GRIP1: variants seen among roughly 807,000 people sequenced by gnomAD.
The protein encoded by GRIP1 is glutamate receptor-interacting protein 1.
Under a neutral mutation model 129.9 loss-of-function variants are expected in GRIP1, and 45 were observed. The observed-to-expected ratio is 0.35, with a 90% CI of 0.27 to 0.44. GRIP1 has a LOEUF of 0.44. Among genes scored for constraint, GRIP1 ranks in the 20% least tolerant of loss-of-function variants. The pLI, the probability that GRIP1 is intolerant of heterozygous loss-of-function variation, is 1.00. For synonymous variants in GRIP1, 530 were observed against 520.8 expected, an observed-to-expected ratio of 1.02 and a Z score of -0.24; for missense variants, 1,196 against 1,396.8, an observed-to-expected ratio of 0.86 and a Z score of 2.29.
chr12:66,853,902 T>C (rs1187439958), intron 1 of GRIP1, among the ~76,000 whole-genome samples: 1 of 152,080 alleles, frequency 6.6e-6, no homozygotes, highest in Non-Finnish European at 1.5e-5. Flanking sequence ...ATTATCTTTT[T>C]AAAGAATAGA....
intron 1 of GRIP1, among the ~76,000 whole-genome samples, chr12:66,854,927 C>G (rs1029664477): frequency 6.6e-6 from 1 of 152,014 alleles, no homozygotes; most frequent in Non-Finnish European, 1.5e-5. Context: ...TCCCATGGCT[C>G]TTTGTAAAGA....
chr12:66,878,534 G>A (rs1445081788), intron 1 of GRIP1, among the ~76,000 whole-genome samples: 4 of 151,990 alleles, frequency 2.6e-5, no homozygotes, highest in Admixed American at 2.0e-4. Flanking sequence ...AGAGGCAGGG[G>A]ACAGGTAGGG....
At chr12:66,487,835 T>C (rs1347735186) in intron 7 of GRIP1, among the ~76,000 whole-genome samples, 8 of 152,072 alleles carry the variant, frequency 5.3e-5, no homozygotes, top group Admixed American at 6.6e-5. Flanking sequence ...TTTGCAATCC[T>C]AGCTTTTGAC....
chr12:67,061,248 T>C (rs759721279), intron 1 of GRIP1, among the ~76,000 whole-genome samples: 37 of 152,232 alleles, frequency 2.4e-4, no homozygotes, highest in Non-Finnish European at 4.1e-4. Context: ...GGCCTGCTAA[T>C]AGGCAAATGT....
At chr12:66,618,066 A>G (rs1289923090) in intron 1 of GRIP1, among the ~76,000 whole-genome samples, 1 of 152,172 alleles carries the variant, frequency 6.6e-6, no homozygotes. Flanking sequence ...TATATTCGTT[A>G]TAGCAATTTC....
chr12:66,521,633 A>T (rs1437515335), intron 5 of GRIP1, among the ~76,000 whole-genome samples: 1 of 152,118 alleles, frequency 6.6e-6, no homozygotes, highest in Non-Finnish European at 1.5e-5. Context: ...TCATCTCACT[A>T]GGGAGTGCCA....
intron 2 of GRIP1, among the ~76,000 whole-genome samples, chr12:66,584,644 T>G (rs1180426669): frequency 6.6e-6 from 1 of 152,124 alleles, no homozygotes; most frequent in East Asian, 1.9e-4. Flanking sequence ...ATATGCTATA[T>G]GGGAATGTCA....
intron 1 of GRIP1, among the ~76,000 whole-genome samples, chr12:66,668,668 TCTCAGCACCTTGGGAGGCC>T (rs2033920220): frequency 6.6e-6 from 1 of 152,124 alleles, no homozygotes; most frequent in Admixed American, 6.6e-5. Context: ...ACACCTGTAA[TCTCAGCACCTTGGGAGGCC>T]AAGATGAGAG....
At chr12:66,372,681 C>G (rs575189516) in intron 22 of GRIP1, among the ~76,000 whole-genome samples, 2 of 151,386 alleles carry the variant, frequency 1.3e-5, no homozygotes, top group Non-Finnish European at 2.9e-5. Context: ...TGTTCGGTTT[C>G]AAATATGTTC....
intron 1 of GRIP1, among the ~76,000 whole-genome samples, chr12:66,931,841 C>A (rs2041400994): frequency 6.6e-6 from 1 of 152,062 alleles, no homozygotes; most frequent in East Asian, 1.9e-4. Context: ...AATTTCAGGA[C>A]CTCTCTTTTT....
intron 1 of GRIP1, among the ~76,000 whole-genome samples, chr12:66,767,597 G>A (rs1041438109): frequency 1.6e-4 from 24 of 148,444 alleles, no homozygotes; most frequent in African/African-American, 5.9e-4. Context: ...GCTTTAATCA[G>A]TATAACTGAC....
At chr12:66,679,214 T>A, upstream of GRIP1, 4 of 1,075,060 alleles carry the variant, frequency 3.7e-6, no homozygotes, top group Non-Finnish European at 4.9e-6. Context: ...GGGACGACAC[T>A]GTGTGAGGAG....
chr12:66,505,953 A>T (rs1206453150), intron 7 of GRIP1, among the ~76,000 whole-genome samples: 1 of 152,238 alleles, frequency 6.6e-6, no homozygotes, highest in Non-Finnish European at 1.5e-5. Flanking sequence ...GGTACTCAAC[A>T]TTCTTATTCA....
At chr12:66,913,824 A>T (rs936350491) in intron 1 of GRIP1, among the ~76,000 whole-genome samples, 1 of 152,236 alleles carries the variant, frequency 6.6e-6, no homozygotes, top group Non-Finnish European at 1.5e-5. Flanking sequence ...TGACATTAAA[A>T]TATTATACTG....
chr12:66,751,062 A>C (rs1044010370), intron 1 of GRIP1, among the ~76,000 whole-genome samples: 9 of 151,948 alleles, frequency 5.9e-5, no homozygotes, highest in African/African-American at 2.2e-4. Flanking sequence ...ATTTAAAAAA[A>C]TTTTTTTAAG....
intron 1 of GRIP1, among the ~76,000 whole-genome samples, chr12:66,704,942 T>C (rs974888897): frequency 1.3e-5 from 2 of 152,058 alleles, no homozygotes; most frequent in Non-Finnish European, 2.9e-5. Context: ...CATCTTATTA[T>C]GCTTGTTCTG....
At chr12:66,669,604 C>A (rs1017295577) in intron 1 of GRIP1, among the ~76,000 whole-genome samples, 2 of 152,288 alleles carry the variant, frequency 1.3e-5, no homozygotes, top group East Asian at 1.9e-4. Context: ...GCCATCTATA[C>A]AGGTTTATGA....
chr12:66,727,207 C>A (rs570866586), intron 1 of GRIP1, among the ~76,000 whole-genome samples: 61 of 152,264 alleles, frequency 4.0e-4, no homozygotes, highest in African/African-American at 1.4e-3. Flanking sequence ...CTAAGTACTG[C>A]TTCAAATTTT....
At chr12:66,949,823 A>G (rs1441661684) in intron 1 of GRIP1, among the ~76,000 whole-genome samples, 1 of 133,082 alleles carries the variant, frequency 7.5e-6, no homozygotes, top group Non-Finnish European at 1.5e-5. Flanking sequence ...GCTGGAGTGC[A>G]GTGGCGTGAT....
Sources: gnomAD v4.1 joint callset for allele counts (sites outside exome capture counted in the v4.1 genomes callset) on GRCh38, gnomAD v4.1.1 for gene constraint, MANE v1.5 for transcripts, NCBI Gene and HGNC (gene_info 2026-07-23, HGNC 2026-07-21) for gene names.